Variants in CWC25 observed in about 807,000 individuals in gnomAD.
The protein encoded by CWC25 is CWC25 spliceosome associated protein, also known as pre-mRNA-splicing factor CWC25 homolog.
A neutral mutation model predicts 54.6 loss-of-function variants in CWC25; 31 were observed. The ratio of observed to expected loss-of-function variants is 0.57; its 90% confidence interval spans 0.43 to 0.77. The LOEUF is 0.77. Ranked by LOEUF, CWC25 falls within the 30% of genes least tolerant of loss-of-function variation. The pLI is 0.00. For missense variants in CWC25, 453 were observed against 529.3 expected (o/e 0.86, Z 1.41); for synonymous variants, 151 against 187.0 (o/e 0.81, Z 1.57).
In CWC25 at chr17:38,805,277, A is replaced by ATT. The variant is rs531218423; in HGVS notation, c.1001+1019_1001+1020insAA. On this transcript the variant is annotated intron_variant, in intron 8 of 9. Transcript: ENST00000614790. ...GAGATACAACAAGATGCTGTCTCCA[A>ATT]AAAAAACAAAGAAAGAAAAAAGAAA... Among the ~76,000 whole-genome samples, 9 of 152,264 alleles carry ATT rather than the reference A, an allele frequency of 5.9e-5. No homozygotes were observed. The South Asian group carries it at 1.9e-3, about 32-fold the overall frequency.
At chr17:38,803,505 C>T (rs1017575785) in intron 8 of CWC25, among the ~76,000 whole-genome samples, 1 of 152,076 alleles carries the variant, frequency 6.6e-6, no homozygotes, top group African/African-American at 2.4e-5. Context: ...TGGTGTGTGC[C>T]TGTAATCCCA....
At chr17:38,807,087 C>T in intron 6 of CWC25, 111 bp from the exon 7 acceptor site, 10 of 754,590 alleles carry the variant, frequency 1.3e-5, no homozygotes, top group Non-Finnish European at 2.1e-5. Context: ...TTTGGGAGGC[C>T]GAGGCGGGGG....
chr17:38,806,232 T>C, intron 8 of CWC25, 65 bp downstream of exon 8: 1 of 1,354,736 alleles, frequency 7.4e-7, no homozygotes, highest in Non-Finnish European at 1.0e-6. Context: ...CCATTTGCCA[T>C]GGTTTGAGCC....
intron 2 of CWC25, among the ~76,000 whole-genome samples, chr17:38,818,503 A>G (rs1911791516): frequency 6.9e-6 from 1 of 145,316 alleles, no homozygotes; most frequent in Non-Finnish European, 1.5e-5. Flanking sequence ...GAGGCAGGAG[A>G]ATGGCATGAA....
chr17:38,807,035 A>C (rs1911275833), intron 6 of CWC25, 59 bp from the exon 7 acceptor site: 1 of 1,443,768 alleles, frequency 6.9e-7, no homozygotes, highest in South Asian at 1.2e-5. Context: ...TTCAGGAGAA[A>C]ACGCGGCCGG....
intron 2 of CWC25, among the ~76,000 whole-genome samples, chr17:38,819,373 G>GTT (rs1185763344): frequency 2.2e-5 from 3 of 135,432 alleles, no homozygotes; most frequent in African/African-American, 5.2e-5. Context: ...CTAATTTTTG[G>GTT]TTTTTTTTTT....
chr17:38,815,322 G>A (rs758481574), intron 2 of CWC25, among the ~76,000 whole-genome samples: 4 of 152,260 alleles, frequency 2.6e-5, no homozygotes, highest in South Asian at 2.1e-4. Flanking sequence ...TTGGGAGTCC[G>A]AAGCGGGTGG....
At chr17:38,812,226 C>T (rs1176644033) in intron 4 of CWC25, among the ~76,000 whole-genome samples, 1 of 151,980 alleles carries the variant, frequency 6.6e-6, no homozygotes, top group Non-Finnish European at 1.5e-5. Context: ...CATGAGCCAC[C>T]GCGCCCAGCC....
intron 7 of CWC25, 79 bp from the exon 8 acceptor site, chr17:38,806,474 G>A (rs1420928097): frequency 3.7e-5 from 44 of 1,205,150 alleles, no homozygotes; most frequent in Non-Finnish European, 5.1e-5. Flanking sequence ...AACAATGCAA[G>A]ATGAGCTAAT....
intron 2 of CWC25, among the ~76,000 whole-genome samples, chr17:38,816,688 C>CT (rs148427978): frequency 0.13 from 19,358 of 148,872 alleles, 3,408 homozygotes; most frequent in African/African-American, 0.4. Context: ...GGCCATGACC[C>CT]TTTTTTTTTT....
intron 4 of CWC25, among the ~76,000 whole-genome samples, chr17:38,812,468 A>G (rs1911530140): frequency 6.6e-6 from 1 of 152,188 alleles, no homozygotes; most frequent in South Asian, 2.1e-4. Context: ...TCTCTACTAA[A>G]AATACAAAAT....
intron 1 of CWC25, among the ~76,000 whole-genome samples, chr17:38,822,027 C>T (rs1279593737): frequency 6.6e-6 from 1 of 152,038 alleles, no homozygotes; most frequent in African/African-American, 2.4e-5. Flanking sequence ...AGTGGCCTCC[C>T]AAACTGCTGG....
Sources: gnomAD v4.1 joint callset for allele counts (sites outside exome capture counted in the v4.1 genomes callset) on GRCh38, gnomAD v4.1.1 for gene constraint, MANE v1.5 for transcripts, NCBI Gene and HGNC (gene_info 2026-07-23, HGNC 2026-07-21) for gene names.